Variants in ULK4 observed in about 807,000 individuals in gnomAD.
ULK4 encodes the protein inactive serine/threonine-protein kinase ULK4.
A neutral mutation model predicts 160.6 loss-of-function variants in ULK4; 133 were observed. That is an observed-to-expected ratio of 0.83 (90% confidence interval 0.72 to 0.96). The LOEUF (loss-of-function observed/expected upper bound fraction) is 0.96. Among genes scored for constraint, ULK4 ranks in the 40% least tolerant of loss-of-function variants. The pLI, the probability that ULK4 is intolerant of heterozygous loss-of-function variation, is 0.00. For missense variants in ULK4, 1,580 were observed against 1,499.5 expected, an observed-to-expected ratio of 1.05 and a Z score of -0.89; for synonymous variants, 534 against 539.8, an observed-to-expected ratio of 0.99 and a Z score of 0.15.
At chr3:41,782,594 G>A (rs145439594) in intron 21 of ULK4, among the ~76,000 whole-genome samples, 12 of 152,218 alleles carry the variant, frequency 7.9e-5, no homozygotes, top group Admixed American at 3.9e-4. Flanking sequence ...TTAATGAAGC[G>A]TTAAATCAAA....
intron 27 of ULK4, among the ~76,000 whole-genome samples, chr3:41,702,854 G>GT (rs1179888400): frequency 1.7e-4 from 22 of 133,046 alleles, no homozygotes; most frequent in African/African-American, 7.8e-4. Context: ...GTTTTTTTTT[G>GT]GTTTTGTTTT....
At chr3:41,851,543 T>C (rs1215286185) in intron 17 of ULK4, among the ~76,000 whole-genome samples, 1 of 152,200 alleles carries the variant, frequency 6.6e-6, no homozygotes, top group Non-Finnish European at 1.5e-5. Flanking sequence ...ATTCTCTTTT[T>C]TGGTTGTGTC....
chr3:41,302,955 C>A (rs916537075), intron 35 of ULK4, among the ~76,000 whole-genome samples: 1 of 152,038 alleles, frequency 6.6e-6, no homozygotes, highest in African/African-American at 2.4e-5. Context: ...TAAGTGAAAT[C>A]ATTCTAAAAT....
At chr3:41,835,777 A>T in intron 18 of ULK4, 87 bp downstream of exon 18, 1 of 1,046,330 alleles carries the variant, frequency 9.6e-7, no homozygotes, top group East Asian at 2.5e-5. Flanking sequence ...GCGCAAAATC[A>T]AAAAACTTTT....
intron 27 of ULK4, among the ~76,000 whole-genome samples, chr3:41,689,540 A>G (rs1378194738): frequency 3.9e-5 from 6 of 152,222 alleles, no homozygotes; most frequent in African/African-American, 1.2e-4. Context: ...CAACCTACTC[A>G]TCTGACAAAG....
chr3:41,912,965 T>C, intron 8 of ULK4, 66 bp from the exon 9 acceptor site: 2 of 1,447,666 alleles, frequency 1.4e-6, no homozygotes, highest in Non-Finnish European at 1.9e-6. Flanking sequence ...TCCCAAGACA[T>C]GTCCCAATTA....
chr3:41,303,085 G>A (rs529951638), intron 35 of ULK4, among the ~76,000 whole-genome samples: 7 of 152,196 alleles, frequency 4.6e-5, no homozygotes, highest in African/African-American at 1.7e-4. Flanking sequence ...GAATATAAAT[G>A]AGCAACTGTT....
intron 17 of ULK4, among the ~76,000 whole-genome samples, chr3:41,856,512 AATATAT>A (rs376773321): frequency 0.06 from 5,913 of 99,190 alleles, 511 homozygotes; most frequent in African/African-American, 0.2. Context: ...TAAATAAATA[AATATAT>A]ATATATATAT....
chr3:41,521,192 G>C (rs908031777), intron 32 of ULK4, among the ~76,000 whole-genome samples: 2 of 152,098 alleles, frequency 1.3e-5, no homozygotes, highest in East Asian at 3.9e-4. Context: ...TTTTAGTGCT[G>C]ACACACTAAA....
intron 31 of ULK4, among the ~76,000 whole-genome samples, chr3:41,591,098 GA>G (rs369519690): frequency 1.5e-4 from 22 of 151,022 alleles, no homozygotes; most frequent in South Asian, 2.1e-4. Flanking sequence ...CTTAAAAGGG[GA>G]AAAAAAAGAT....
chr3:41,547,064 A>T (rs1178001417), intron 32 of ULK4, among the ~76,000 whole-genome samples: 1 of 152,200 alleles, frequency 6.6e-6, no homozygotes, highest in Non-Finnish European at 1.5e-5. Context: ...GTGGGAGGGC[A>T]TGTTACTACC....
At position 41,879,323 on chromosome 3, in the gene ULK4, A is replaced by G. The variant is rs1298587402; in HGVS notation, c.1656+4551T>C. Among the ~76,000 whole-genome samples the G allele has an allele frequency of 2.0e-5, 3 of 152,150 alleles. No individual in the cohort carries two copies. In the East Asian group the frequency reaches 5.8e-4, roughly 29 times the overall value. The stretch of plus-strand genomic sequence containing the variant: ...AGATATTTACTAGTAAAATGATATC[A>G]TTTTATTTAAAATACTCCAGCAAGA... On this transcript the variant is annotated intron_variant, in intron 17 of 36. Transcript: ENST00000301831.
intron 32 of ULK4, among the ~76,000 whole-genome samples, chr3:41,484,031 T>A (rs1375291669): frequency 6.6e-6 from 1 of 152,176 alleles, no homozygotes; most frequent in African/African-American, 2.4e-5. Flanking sequence ...GAAGCTTGTG[T>A]CTTTTCTAAT....
At chr3:41,894,772 T>C (rs565115239) in intron 16 of ULK4, among the ~76,000 whole-genome samples, 34 of 152,270 alleles carry the variant, frequency 2.2e-4, no homozygotes, top group African/African-American at 7.7e-4. Context: ...TCTGTCTGAA[T>C]CCTAAACCTA....
chr3:41,330,295 C>A (rs1202267892), intron 35 of ULK4, among the ~76,000 whole-genome samples: 26 of 152,214 alleles, frequency 1.7e-4, no homozygotes, highest in Admixed American at 1.6e-3. Context: ...CCTATACTGA[C>A]TGCCTTTTCC....
At chr3:41,715,760 T>C (rs1214680185) in intron 23 of ULK4, among the ~76,000 whole-genome samples, 192 bp from the exon 24 acceptor site, 1 of 152,150 alleles carries the variant, frequency 6.6e-6, no homozygotes, top group Non-Finnish European at 1.5e-5. Context: ...TGTGATATTC[T>C]GCAAAGACAC....
intron 25 of ULK4, among the ~76,000 whole-genome samples, chr3:41,714,858 A>AAAAAAAAAAG (rs2037213104): frequency 6.6e-6 from 1 of 151,714 alleles, no homozygotes; most frequent in African/African-American, 2.4e-5. Context: ...TCTTTAAAAA[A>AAAAAAAAAAG]AAAAAAGAAA....
intron 35 of ULK4, among the ~76,000 whole-genome samples, chr3:41,330,652 A>G (rs529665229): frequency 2.6e-4 from 39 of 152,276 alleles, no homozygotes; most frequent in African/African-American, 7.5e-4. Flanking sequence ...AAAAATATCC[A>G]AAGAACCCTT....
At chr3:41,427,349 T>C (rs1043231691) in intron 34 of ULK4, among the ~76,000 whole-genome samples, 3 of 106,532 alleles carry the variant, frequency 2.8e-5, no homozygotes, top group Non-Finnish European at 4.3e-5. Flanking sequence ...GAGAAGCTAG[T>C]ACCATTTACC....
Sources: gnomAD v4.1 joint callset for allele counts (sites outside exome capture counted in the v4.1 genomes callset) on GRCh38, gnomAD v4.1.1 for gene constraint, MANE v1.5 for transcripts, NCBI Gene and HGNC (gene_info 2026-07-23, HGNC 2026-07-21) for gene names.